PPP1R9A: variants seen among roughly 807,000 people sequenced by gnomAD.
The protein encoded by PPP1R9A is neurabin-1.
A neutral mutation model predicts 141.9 loss-of-function variants in PPP1R9A; 59 were observed. That is an observed-to-expected ratio of 0.42 (90% CI 0.34 to 0.52). The LOEUF (loss-of-function observed/expected upper bound fraction) is 0.52, where lower values mean the gene tolerates loss of function less well. Ranked by LOEUF, PPP1R9A falls within the 20% of genes least tolerant of loss-of-function variation. The pLI is 0.10. For missense variants in PPP1R9A, 1,444 were observed against 1,611.9 expected (o/e 0.90, Z 1.78); for synonymous variants, 500 against 569.7 (o/e 0.88, Z 1.74).
chr7:95,203,965 A>T (rs967565760), intron 7 of PPP1R9A, among the ~76,000 whole-genome samples: 8 of 152,186 alleles, frequency 5.3e-5, no homozygotes, highest in Non-Finnish European at 1.0e-4. Flanking sequence ...ATATTTAGCC[A>T]TGGATATTTT....
chr7:94,997,876 G>A (rs997896413), intron 2 of PPP1R9A, among the ~76,000 whole-genome samples: 1 of 152,076 alleles, frequency 6.6e-6, no homozygotes, highest in African/African-American at 2.4e-5. Flanking sequence ...TTCCTAGCCT[G>A]CACTGTTATG....
intron 2 of PPP1R9A, among the ~76,000 whole-genome samples, chr7:94,994,770 T>G: frequency 6.6e-6 from 1 of 151,986 alleles, no homozygotes; most frequent in Admixed American, 6.6e-5. Flanking sequence ...GGTGTGCACC[T>G]GTAGTCCCAG....
intron 5 of PPP1R9A, among the ~76,000 whole-genome samples, chr7:95,163,246 T>C (rs1423370771): frequency 2.0e-5 from 3 of 152,220 alleles, no homozygotes; most frequent in Non-Finnish European, 4.4e-5. Context: ...CTCTGTTGAC[T>C]GCGTAATCTT....
intron 8 of PPP1R9A, among the ~76,000 whole-genome samples, chr7:95,232,918 G>A (rs1319466670): frequency 6.6e-6 from 1 of 152,182 alleles, no homozygotes; most frequent in Non-Finnish European, 1.5e-5. Flanking sequence ...TACACTGTTG[G>A]TGGGAGTGTA....
At chr7:95,160,757 A>G (rs1830363367) in intron 4 of PPP1R9A, among the ~76,000 whole-genome samples, 1 of 152,126 alleles carries the variant, frequency 6.6e-6, no homozygotes, top group South Asian at 2.1e-4. Flanking sequence ...ACTTACACTT[A>G]TAAGTGAGAA....
rs138678408 is a variant in PPP1R9A at position 95,174,568 on chromosome 7, A to T, written c.1754+12597A>T. ...AAATGTGAGATAATAGCTATCGTTA[A>T]CTTAAAAAGCACCATACGAATTGAT... On this transcript the variant is annotated intron_variant, in intron 5 of 19. Transcript: ENST00000433360. Among the ~76,000 whole-genome samples, 27 of 152,218 alleles carry T rather than the reference A, an allele frequency of 1.8e-4. No individual in the cohort carries two copies. The East Asian group carries it at 4.8e-3, about 27-fold the overall frequency.
At chr7:94,944,947 CTG>C (rs1795738680) in intron 2 of PPP1R9A, among the ~76,000 whole-genome samples, 1 of 151,904 alleles carries the variant, frequency 6.6e-6, no homozygotes, top group African/African-American at 2.4e-5. Context: ...CGTATAATGT[CTG>C]TGTTTGATAA....
intron 2 of PPP1R9A, among the ~76,000 whole-genome samples, chr7:94,998,367 A>G (rs1802451217): frequency 6.6e-6 from 1 of 152,204 alleles, no homozygotes; most frequent in Non-Finnish European, 1.5e-5. Context: ...ACAGGAGGAA[A>G]CTAACTTCTA....
chr7:94,973,412 T>G (rs2151249322), intron 2 of PPP1R9A, among the ~76,000 whole-genome samples: 1 of 152,250 alleles, frequency 6.6e-6, no homozygotes, highest in Non-Finnish European at 1.5e-5. Flanking sequence ...AAAAAGCGAG[T>G]TTGGGACTTA....
chr7:95,272,526 G>A (rs77039984), intron 14 of PPP1R9A, among the ~76,000 whole-genome samples: 2,223 of 152,200 alleles, frequency 0.015, 23 homozygotes, highest in Non-Finnish European at 0.02. Flanking sequence ...ACATATTTCT[G>A]ACTCTTGTGT....
intron 6 of PPP1R9A, among the ~76,000 whole-genome samples, chr7:95,201,714 G>C (rs1002485951): frequency 6.6e-6 from 1 of 152,060 alleles, no homozygotes; most frequent in African/African-American, 2.4e-5. Context: ...ATATATAATT[G>C]AACAATTTAT....
At chr7:95,016,281 G>A (rs1157701331) in intron 2 of PPP1R9A, among the ~76,000 whole-genome samples, 1 of 152,054 alleles carries the variant, frequency 6.6e-6, no homozygotes, top group Admixed American at 6.6e-5. Context: ...ATATATAATA[G>A]TACTACAGAC....
intron 2 of PPP1R9A, among the ~76,000 whole-genome samples, chr7:94,972,973 G>T (rs984705010): frequency 1.3e-5 from 2 of 152,158 alleles, no homozygotes; most frequent in African/African-American, 4.8e-5. Flanking sequence ...CCAATGGAAT[G>T]AATAGATTCT....
intron 2 of PPP1R9A, among the ~76,000 whole-genome samples, chr7:95,091,337 CTTTTTTTTTTT>C (rs555627706): frequency 2.6e-4 from 20 of 75,992 alleles, no homozygotes; most frequent in African/African-American, 9.1e-4. Context: ...TGTTTTAACT[CTTTTTTTTTTT>C]TTTTTTTTTT....
Position 95,242,282 on chromosome 7 carries a change from A to G in PPP1R9A, c.2113-5191A>G, listed in dbSNP as rs571405987. ...TAACTAAAAATTTAGATCCCAATCT[A>G]GAAAGCACTTTATAAAGTTCTATGC... On this transcript the variant is annotated intron_variant, in intron 8 of 19. Transcript: ENST00000433360. Among the ~76,000 whole-genome samples, 27 of 152,334 alleles carry G rather than the reference A, an allele frequency of 1.8e-4. No individual in the cohort carries two copies. The South Asian group carries it at 5.6e-3, about 32-fold the overall frequency.
rs367894919 is a variant in PPP1R9A at position 95,261,123 on chromosome 7, G to A, written c.2666-7427G>A. Among the ~76,000 whole-genome samples the A allele has an allele frequency of 8.3e-4, 126 of 152,318 alleles. 1 individual carries two copies. Among genetic ancestry groups the A allele is most frequent in the Middle Eastern group, 6.8e-3 (2 of 294 alleles). ...ATGCTACCCAGTGTGGTTTGTATATGAAGTGTTGCCCTGGGCTCCTACATT... is the reference window on the plus strand; with the variant it reads ...ATGCTACCCAGTGTGGTTTGTATATAAAGTGTTGCCCTGGGCTCCTACATT... On this transcript the variant is annotated intron_variant, in intron 12 of 19. Transcript: ENST00000433360.
chr7:95,059,238 A>G (rs1251291404), intron 2 of PPP1R9A, among the ~76,000 whole-genome samples: 1 of 152,164 alleles, frequency 6.6e-6, no homozygotes, highest in African/African-American at 2.4e-5. Flanking sequence ...TACAAATTTT[A>G]TTAAAAGGTA....
intron 5 of PPP1R9A, among the ~76,000 whole-genome samples, chr7:95,177,018 C>T (rs557124723): frequency 4.6e-5 from 7 of 152,224 alleles, no homozygotes; most frequent in South Asian, 4.1e-4. Flanking sequence ...ACAGAAAGAA[C>T]ACCTGGGAAA....
chr7:95,184,859 T>C (rs1223470659), intron 5 of PPP1R9A, among the ~76,000 whole-genome samples: 2 of 152,148 alleles, frequency 1.3e-5, no homozygotes, highest in African/African-American at 2.4e-5. Flanking sequence ...CTTTTCTTTA[T>C]CCACTCATTG....
Sources: allele counts gnomAD v4.1 joint callset (sites outside exome capture counted in the v4.1 genomes callset), GRCh38; gene constraint gnomAD v4.1.1; transcripts MANE v1.5; gene names NCBI Gene and HGNC (gene_info 2026-07-23, HGNC 2026-07-21).